WDR41: variants seen among roughly 807,000 people sequenced by gnomAD.
WDR41 encodes WD repeat-containing protein 41.
WDR41 carries 63 observed loss-of-function variants against 69.3 expected under a neutral mutation model. The observed-to-expected ratio is 0.91, with a 90% CI of 0.74 to 1.12. The LOEUF (loss-of-function observed/expected upper bound fraction) is 1.12. WDR41 is among the 50% of genes most tolerant of loss of function. WDR41 has a pLI of 0.00. For missense variants in WDR41, 543 were observed against 534.5 expected (o/e 1.02, Z -0.16); for synonymous variants, 185 against 192.1 (o/e 0.96, Z 0.31).
intron 1 of WDR41, among the ~76,000 whole-genome samples, chr5:77,556,312 C>T (rs1289269255): frequency 6.6e-6 from 1 of 151,194 alleles, no homozygotes; most frequent in Non-Finnish European, 1.5e-5. Flanking sequence ...ACCATGTTGG[C>T]TAGGCTGGTC....
At chr5:77,486,593 G>C (rs1240002626) in intron 2 of WDR41, among the ~76,000 whole-genome samples, 1 of 152,134 alleles carries the variant, frequency 6.6e-6, no homozygotes, top group Non-Finnish European at 1.5e-5. Flanking sequence ...TCTTACTTTG[G>C]GGCTTGCCCT....
rs201737682 is a variant in WDR41 at position 77,433,194 on chromosome 5, G to A, written c.1321C>T (p.Arg441Cys). 1.2e-4 allele frequency: 193 copies of A among 1,613,728 alleles called. No homozygotes were observed. Among genetic ancestry groups the A allele is most frequent in the South Asian group, 4.6e-4 (42 of 91,044 alleles). ...AATTTTTGAAATAATCTTAAACTGC[G>A]CAATCCAGATTCTCGCTCTCCATTT... ...WKNGERESGLRSLRLFQKLEE... is the reference protein window; with the variant it reads ...WKNGERESGLCSLRLFQKLEE... The change falls in exon 13 of 13, where the codon CGC becomes TGC. Residue 441 changes from arginine (R) to cysteine (C), a missense_variant. Transcript: ENST00000296679.
At chr5:77,563,923 G>T (rs1743569200) in intron 1 of WDR41, among the ~76,000 whole-genome samples, 1 of 152,166 alleles carries the variant, frequency 6.6e-6, no homozygotes, top group Non-Finnish European at 1.5e-5. Flanking sequence ...TTGATAAGTT[G>T]TCTGAAAGAA....
intron 1 of WDR41, chr5:77,546,204 G>A (rs375268535): frequency 1.5e-5 from 6 of 411,782 alleles, no homozygotes; most frequent in South Asian, 6.9e-5. Flanking sequence ...TGACCACCTC[G>A]TCAAGACCCA....
At chr5:77,558,915 A>G (rs1484679701) in intron 1 of WDR41, among the ~76,000 whole-genome samples, 1 of 152,136 alleles carries the variant, frequency 6.6e-6, no homozygotes, top group Non-Finnish European at 1.5e-5. Flanking sequence ...CAAATTATCT[A>G]TTACACTAAG....
In WDR41 at chr5:77,573,247, T is replaced by TTCTC. The variant is rs139734736; in HGVS notation, c.42+47228_42+47231dup. Among the ~76,000 whole-genome samples, 5 of 150,290 alleles carry TTCTC rather than the reference T, an allele frequency of 3.3e-5. No individual in the cohort carries two copies. In the East Asian group the frequency reaches 5.8e-4, roughly 18 times the overall value. ...AGGCCTGACCTAATTTACTACCAGA[T>TTCTC]TCTCTCTCTCTCTCTCTCTCTTTAT... On this transcript the variant is annotated intron_variant, in intron 1 of 5. Coordinates refer to the WDR41 transcript ENST00000509971.
At chr5:77,572,181 C>T (rs1324535708) in intron 1 of WDR41, among the ~76,000 whole-genome samples, 2 of 152,200 alleles carry the variant, frequency 1.3e-5, no homozygotes, top group Non-Finnish European at 2.9e-5. Context: ...GCTGCTTGTA[C>T]AGCACTTTGG....
chr5:77,517,087 T>C (rs1253873699), intron 1 of WDR41, among the ~76,000 whole-genome samples: 1 of 151,432 alleles, frequency 6.6e-6, no homozygotes, highest in Non-Finnish European at 1.5e-5. Context: ...TGCCACAGGA[T>C]ATTTCTATTT....
intron 1 of WDR41, among the ~76,000 whole-genome samples, chr5:77,539,439 T>C (rs769066390): frequency 2.0e-5 from 3 of 152,150 alleles, no homozygotes; most frequent in Non-Finnish European, 2.9e-5. Flanking sequence ...TGTGATTCAG[T>C]AGGTCTGGGG....
At chr5:77,597,926 C>T (rs748065057) in intron 1 of WDR41, among the ~76,000 whole-genome samples, 14 of 152,132 alleles carry the variant, frequency 9.2e-5, no homozygotes, top group South Asian at 2.1e-4. Context: ...ATGGGAAATA[C>T]GCCACATTTG....
At chr5:77,565,361 C>G (rs1561225949) in intron 1 of WDR41, among the ~76,000 whole-genome samples, 1 of 152,142 alleles carries the variant, frequency 6.6e-6, no homozygotes, top group Non-Finnish European at 1.5e-5. Flanking sequence ...CTAAAAGTCT[C>G]CATAACCTAG....
chr5:77,519,300 A>T (rs1359091397), intron 1 of WDR41, among the ~76,000 whole-genome samples: 1 of 151,964 alleles, frequency 6.6e-6, no homozygotes, highest in Non-Finnish European at 1.5e-5. Flanking sequence ...GTAAGACCAA[A>T]CTTATCAAAC....
At chr5:77,485,175 T>C (rs1267760396) in intron 2 of WDR41, among the ~76,000 whole-genome samples, 1 of 152,126 alleles carries the variant, frequency 6.6e-6, no homozygotes, top group East Asian at 1.9e-4. Context: ...TATAAACCTA[T>C]TGCATGCTTA....
chr5:77,594,269 G>A (rs1463708092), intron 1 of WDR41, among the ~76,000 whole-genome samples: 1 of 117,402 alleles, frequency 8.5e-6, no homozygotes. Context: ...CTGTTGTGGG[G>A]TGGGGGGAGG....
rs192775782 is a variant in WDR41 at position 77,475,460 on chromosome 5, G to A, written c.168-10651C>T. Among the ~76,000 whole-genome samples, 766 of 152,302 alleles carry A rather than the reference G, an allele frequency of 5.0e-3. 19 individuals are homozygous for A. Among genetic ancestry groups the A allele is most frequent in the Admixed American group, 0.038 (575 of 15,304 alleles). ...AAGAGAGCAGTGGTTCTCCCAGCACGCAGCTGGAGATCTGACAACGGGCAG... is the reference window on the plus strand; with the variant it reads ...AAGAGAGCAGTGGTTCTCCCAGCACACAGCTGGAGATCTGACAACGGGCAG... On this transcript the variant is annotated intron_variant, in intron 2 of 12. Transcript: ENST00000296679.
intron 1 of WDR41, among the ~76,000 whole-genome samples, chr5:77,512,767 T>A (rs1278640588): frequency 7.5e-6 from 1 of 134,168 alleles, no homozygotes; most frequent in Middle Eastern, 4.1e-3. Context: ...AAAAAAAAAA[T>A]TGGTCAGGCG....
intron 1 of WDR41, among the ~76,000 whole-genome samples, chr5:77,611,516 T>A (rs1744550813): frequency 6.6e-6 from 1 of 152,078 alleles, no homozygotes; most frequent in Non-Finnish European, 1.5e-5. Context: ...TCAAAACCGC[T>A]CAACTACATG....
At chr5:77,548,041 C>A (rs1743229413) in intron 1 of WDR41, among the ~76,000 whole-genome samples, 1 of 151,402 alleles carries the variant, frequency 6.6e-6, no homozygotes, top group African/African-American at 2.5e-5. Context: ...GAAAGGACAC[C>A]CTTTTCAACA....
intron 1 of WDR41, among the ~76,000 whole-genome samples, chr5:77,576,548 C>A (rs191670316): frequency 3.4e-4 from 52 of 152,286 alleles, no homozygotes; most frequent in African/African-American, 1.2e-3. Context: ...TTATTCTGTT[C>A]TCTGTTCCCC....
Sources: allele counts gnomAD v4.1 joint callset (sites outside exome capture counted in the v4.1 genomes callset), GRCh38; gene constraint gnomAD v4.1.1; transcripts MANE v1.5; gene names NCBI Gene and HGNC (gene_info 2026-07-23, HGNC 2026-07-21).